The following TRIM23 variants were observed in gnomAD, a reference collection of about 807,000 sequenced individuals.
TRIM23 encodes tripartite motif containing 23.
TRIM23 carries 27 observed loss-of-function variants against 71.0 expected under a neutral mutation model. The observed-to-expected ratio is 0.38, with a 90% CI of 0.28 to 0.52. The LOEUF is 0.52. Among genes scored for constraint, TRIM23 ranks in the 20% least tolerant of loss-of-function variants. The pLI is 0.84. For synonymous variants in TRIM23, 234 were observed against 238.0 expected, an observed-to-expected ratio of 0.98 and a Z score of 0.16; for missense variants, 482 against 692.3, an observed-to-expected ratio of 0.70 and a Z score of 3.41.
chr5:65,609,120 CCTAAGCACAAAGTTA>C (rs1467164830), intron 6 of TRIM23, 108 bp downstream of exon 6: 56 of 964,296 alleles, frequency 5.8e-5, no homozygotes, highest in Non-Finnish European at 8.2e-5. Flanking sequence ...CAGACCATTT[CCTAAGCACAAAGTTA>C]CTGCATACAG....
At chr5:65,596,951 G>A in intron 8 of TRIM23, 100 bp downstream of exon 8, 1 of 1,436,258 alleles carries the variant, frequency 7.0e-7, no homozygotes, top group Non-Finnish European at 9.4e-7. Context: ...AGCCAGAAAA[G>A]AGCCCACCAC....
Position 65,618,186 on chromosome 5 carries a change from A to G in TRIM23, c.151T>C (p.Cys51Arg). 1.2e-6 allele frequency: 2 copies of G among 1,614,164 alleles called. No homozygotes were observed. The highest frequency in any genetic ancestry group is 1.7e-6 in the Non-Finnish European group (2 of 1,180,004). The change falls in exon 2 of 11, where the codon TGT (cysteine) becomes CGT (arginine). Residue 51 changes from cysteine (C) to arginine (R), a missense_variant. Physicochemically the swap from Cys to Arg is radical, Grantham distance 180. Around this residue, in one of 2 missense-constraint regions of TRIM23, gnomAD observed 175 missense variants for 196.5 expected, o/e 0.89. Coordinates refer to ENST00000231524, the MANE Select transcript of TRIM23 (RefSeq NM_001656.4). ...CAGTCATGACAGACGGTATGGCCAC[A>G]AAGCAAAAGACGGGGAACTTTGTCT... ...QGDKVPRLLL[C>R]GHTVCHDCLT...
chr5:65,620,007 C>G (rs984777599), intron 1 of TRIM23, among the ~76,000 whole-genome samples: 1 of 152,112 alleles, frequency 6.6e-6, no homozygotes, highest in Non-Finnish European at 1.5e-5. Context: ...ATTGCTTGAG[C>G]CTGGGAGGCG....
intron 1 of TRIM23, among the ~76,000 whole-genome samples, chr5:65,621,041 A>T (rs1472417557): frequency 1.3e-5 from 2 of 152,050 alleles, no homozygotes; most frequent in African/African-American, 4.8e-5. Flanking sequence ...AAAAAAAAAA[A>T]TTCAATTAAA....
chr5:65,597,606 A>G (rs1297496145), intron 7 of TRIM23, among the ~76,000 whole-genome samples: 1 of 147,274 alleles, frequency 6.8e-6, no homozygotes, highest in Non-Finnish European at 1.5e-5. Flanking sequence ...AACATACACA[A>G]ACAAAACAAA....
intron 3 of TRIM23, 46 bp from the exon 4 acceptor site, chr5:65,611,927 T>C (rs750902927): frequency 6.5e-7 from 1 of 1,541,198 alleles, no homozygotes; most frequent in Non-Finnish European, 8.8e-7. Context: ...CCAATCAGTA[T>C]AACATGACGA....
At position 65,594,388 on chromosome 5, in the gene TRIM23, A is replaced by G. The variant is rs16894051; in HGVS notation, c.1545+133T>C. On this transcript the variant is annotated intron_variant, in intron 10 of 10. Coordinates refer to ENST00000231524, the MANE Select transcript of TRIM23 (RefSeq NM_001656.4). ...CAGGTACCCAGCACAGCATTTTCAC[A>G]TAGATTGTACTCAAAATACACAGAA... 3.0e-3 allele frequency: 3,653 copies of G among 1,206,316 alleles called. 81 individuals carry two copies. The African/African-American group carries it at 0.05, about 17-fold the overall frequency. 74.7% of individuals were successfully genotyped at this position (1,206,316 alleles called of 1,614,324 possible).
chr5:65,601,597 T>C (rs760878406), intron 7 of TRIM23, among the ~76,000 whole-genome samples: 1 of 152,156 alleles, frequency 6.6e-6, no homozygotes, highest in Non-Finnish European at 1.5e-5. Flanking sequence ...TTCTGAGAGA[T>C]ACAATTCAAG....
At chr5:65,613,707 T>G in intron 3 of TRIM23, 2 of 1,163,434 alleles carry the variant, frequency 1.7e-6, no homozygotes, top group East Asian at 1.2e-4. Context: ...TTTTCCCCTC[T>G]GTATTAAATG....
intron 7 of TRIM23, among the ~76,000 whole-genome samples, chr5:65,603,505 T>C (rs892490162): frequency 2.0e-5 from 3 of 152,158 alleles, no homozygotes; most frequent in Admixed American, 6.5e-5. Flanking sequence ...TATAAACATA[T>C]GTCTCTATAC....
intron 1 of TRIM23, among the ~76,000 whole-genome samples, chr5:65,621,852 G>C (rs935708735): frequency 6.6e-6 from 1 of 151,388 alleles, no homozygotes; most frequent in South Asian, 2.1e-4. Context: ...TTTTGAGAAA[G>C]GGTCTCACTC....
At chr5:65,594,728 T>C in intron 9 of TRIM23, 83 bp from the exon 10 acceptor site, 1 of 1,254,580 alleles carries the variant, frequency 8.0e-7, no homozygotes, top group Admixed American at 3.2e-5. Context: ...GATATCATTA[T>C]TATGTTATGG....
At chr5:65,622,646 A>G (rs1754975842) in intron 1 of TRIM23, among the ~76,000 whole-genome samples, 1 of 152,168 alleles carries the variant, frequency 6.6e-6, no homozygotes, top group Non-Finnish European at 1.5e-5. Flanking sequence ...TGACAGTGAG[A>G]TTTTTTTAGT....
chr5:65,622,101 G>A (rs1754963221), intron 1 of TRIM23, among the ~76,000 whole-genome samples: 1 of 151,796 alleles, frequency 6.6e-6, no homozygotes, highest in African/African-American at 2.4e-5. Flanking sequence ...CCAAAGTGCT[G>A]AGATTAAAGG....
At chr5:65,620,610 A>G (rs1222725828) in intron 1 of TRIM23, among the ~76,000 whole-genome samples, 1 of 151,992 alleles carries the variant, frequency 6.6e-6, no homozygotes, top group Non-Finnish European at 1.5e-5. Context: ...GTATAAGCGT[A>G]TTGTCTTCCT....
rs767585071 is a variant in TRIM23 at position 65,610,934 on chromosome 5, A to G, written c.755T>C (p.Val252Ala). 9.4e-5 allele frequency: 151 copies of G among 1,613,670 alleles called. No individual in the cohort carries two copies. The highest frequency in any genetic ancestry group is 1.3e-4 in the Non-Finnish European group (149 of 1,179,840). The change falls in exon 5 of 11, where the codon GTT (valine) becomes GCT (alanine). Residue 252 changes from valine (V) to alanine (A), a missense_variant. By Grantham distance (64) the Val-to-Ala change is moderately conservative. Around this residue, in one of 2 missense-constraint regions of TRIM23, gnomAD observed 307 missense variants for 495.8 expected, o/e 0.62. Transcript: ENST00000231524. The stretch of plus-strand genomic sequence containing the variant: ...TCCTTCAATGTGCTGCACAATTCCA[A>G]CTAATTTTCTGGAATAATCTGAGAT... Reference protein sequence around the residue: ...EEISDYSRKLVGIVQHIEGGE... With the variant: ...EEISDYSRKLAGIVQHIEGGE...
chr5:65,624,154 G>A (rs764217332), intron 1 of TRIM23, 40 bp downstream of exon 1: 5 of 1,613,106 alleles, frequency 3.1e-6, no homozygotes, highest in Non-Finnish European at 4.2e-6. Context: ...GAACCGAAGG[G>A]AGGCCGATGG....
At chr5:65,601,542 A>G (rs1754364949) in intron 7 of TRIM23, among the ~76,000 whole-genome samples, 1 of 152,164 alleles carries the variant, frequency 6.6e-6, no homozygotes, top group Non-Finnish European at 1.5e-5. Flanking sequence ...ACCAGCTCCC[A>G]TGATTCAATT....
At chr5:65,592,480 G>C (rs1254200307) in intron 10 of TRIM23, among the ~76,000 whole-genome samples, 2 of 151,966 alleles carry the variant, frequency 1.3e-5, no homozygotes, top group Non-Finnish European at 2.9e-5. Flanking sequence ...ACCAACCTCA[G>C]CCTCCCAAAA....
Sources: allele counts gnomAD v4.1 joint callset (sites outside exome capture counted in the v4.1 genomes callset), GRCh38; gene constraint gnomAD v4.1.1; regional missense constraint gnomAD v4.1.1; transcripts MANE v1.5; gene names NCBI Gene and HGNC (gene_info 2026-07-23, HGNC 2026-07-21).